NARS2: variants seen among roughly 807,000 people sequenced by gnomAD.
NARS2 encodes the protein asparaginyl-tRNA synthetase 2, mitochondrial, also known as asparaginyl-tRNA synthetase.
Under a neutral mutation model 62.9 loss-of-function variants are expected in NARS2, and 60 were observed. The observed-to-expected ratio is 0.95, with a 90% CI of 0.77 to 1.18. The LOEUF is 1.18. NARS2 is among the 50% of genes most tolerant of loss of function. NARS2 has a pLI of 0.00. For missense variants in NARS2, 619 were observed against 576.4 expected (o/e 1.07, Z -0.76); for synonymous variants, 196 against 200.0 (o/e 0.98, Z 0.17).
At chr11:78,567,411 A>G (rs1046759475) in intron 3 of NARS2, among the ~76,000 whole-genome samples, 1 of 152,162 alleles carries the variant, frequency 6.6e-6, no homozygotes, top group African/African-American at 2.4e-5. Context: ...AAAATTTAAG[A>G]ATTATTTCTA....
chr11:78,527,720 A>G lies in NARS2; in HGVS notation c.689+1122T>C, dbSNP rs536057600. 5.3e-5 allele frequency among the ~76,000 whole-genome samples: 8 copies of G among 152,332 alleles called. No homozygotes were observed. The East Asian group carries it at 1.3e-3, about 26-fold the overall frequency. On this transcript the variant is annotated intron_variant, in intron 6 of 13. Transcript: ENST00000281038. ...TCCTTTCAAGTGAGCTATTTCCAGAAAAGATTTTTTTAAGTCCTAATCTCT... is the reference window on the plus strand; with the variant it reads ...TCCTTTCAAGTGAGCTATTTCCAGAGAAGATTTTTTTAAGTCCTAATCTCT...
At chr11:78,545,524 CTTTTTTTTT>C (rs888860047) in intron 5 of NARS2, among the ~76,000 whole-genome samples, 8 of 134,860 alleles carry the variant, frequency 5.9e-5, no homozygotes, top group Admixed American at 2.2e-4. Flanking sequence ...ATGCTTTTTC[CTTTTTTTTT>C]TTTTTTTTTG....
chr11:78,547,660 C>G (rs1408666728), intron 5 of NARS2, among the ~76,000 whole-genome samples: 1 of 151,808 alleles, frequency 6.6e-6, no homozygotes, highest in Non-Finnish European at 1.5e-5. Context: ...TGGCAAAACT[C>G]TGACTCTACT....
At chr11:78,476,990 GAAT>G (rs1859127776) in intron 9 of NARS2, among the ~76,000 whole-genome samples, 1 of 152,172 alleles carries the variant, frequency 6.6e-6, no homozygotes. Flanking sequence ...TGTAGAATGA[GAAT>G]AATAACTACT....
intron 6 of NARS2, among the ~76,000 whole-genome samples, chr11:78,511,610 G>T (rs996444030): frequency 1.3e-5 from 2 of 152,008 alleles, no homozygotes; most frequent in African/African-American, 4.8e-5. Flanking sequence ...CCAGCTACTC[G>T]AGAGGCTGAG....
chr11:78,519,160 G>A (rs898995303), intron 6 of NARS2, among the ~76,000 whole-genome samples: 5 of 152,186 alleles, frequency 3.3e-5, no homozygotes, highest in African/African-American at 1.2e-4. Flanking sequence ...AGATTCACAT[G>A]ATGACATTCC....
At chr11:78,530,703 G>A (rs182919704) in intron 5 of NARS2, among the ~76,000 whole-genome samples, 33 of 152,276 alleles carry the variant, frequency 2.2e-4, no homozygotes, top group African/African-American at 7.7e-4. Context: ...CTGACCTCAA[G>A]TGATCTGCCG....
At position 78,469,304 on chromosome 11, in the gene NARS2, A is replaced by C. The variant is rs565224393; in HGVS notation, c.969T>G (p.Tyr323Ter). The change falls in exon 10 of 14, where the codon TAT becomes TAG. Residue 323 changes from tyrosine to a stop codon, truncating the protein, a stop_gained. Transcript: ENST00000281038. LOFTEE classifies it high-confidence loss of function. ...GCTTTAAGATCTCCACTGCTTCAGT[A>C]TAAGAAATGCTGGAGGAAAACAGGA... is the stretch of plus-strand genomic sequence containing the variant. ...MLKNNFLIIS[Y>*]TEAVEILKQA... is the part of the protein sequence containing the mutation. 1.9e-6 allele frequency: 3 copies of C among 1,612,898 alleles called. No homozygotes were observed. Among genetic ancestry groups the C allele is most frequent in the Non-Finnish European group, 2.5e-6 (3 of 1,179,106 alleles).
intron 11 of NARS2, among the ~76,000 whole-genome samples, chr11:78,457,467 A>G (rs1003245634): frequency 7.9e-5 from 12 of 152,222 alleles, no homozygotes; most frequent in African/African-American, 2.9e-4. Flanking sequence ...CCAGAAAACA[A>G]CAAATGAGGG....
intron 2 of NARS2, among the ~76,000 whole-genome samples, chr11:78,569,447 G>A (rs538345750): frequency 1.4e-4 from 22 of 152,228 alleles, no homozygotes; most frequent in Non-Finnish European, 2.8e-4. Flanking sequence ...GAGCCACCAC[G>A]CCCAGCCCAT....
intron 5 of NARS2, among the ~76,000 whole-genome samples, chr11:78,532,916 C>T (rs940869159): frequency 6.6e-6 from 1 of 152,162 alleles, no homozygotes; most frequent in Admixed American, 6.5e-5. Flanking sequence ...TTTGCTTCTA[C>T]TTATATAAGT....
intron 13 of NARS2, 33 bp from the exon 14 acceptor site, chr11:78,436,847 ATATAG>A (rs1857425816): frequency 3.1e-6 from 5 of 1,598,390 alleles, no homozygotes; most frequent in South Asian, 1.1e-5. Context: ...CATCATCTAT[ATATAG>A]TATAAGACCA....
intron 5 of NARS2, among the ~76,000 whole-genome samples, chr11:78,550,546 T>C (rs1472423870): frequency 6.6e-6 from 1 of 152,134 alleles, no homozygotes; most frequent in African/African-American, 2.4e-5. Context: ...AAAATGCAAA[T>C]CAAAGCCACA....
Position 78,539,354 on chromosome 11 carries a change from A to G in NARS2, c.595-10418T>C, listed in dbSNP as rs1057273637. ...TAAATTAGATGTGAGGTTTGGGGAG[A>G]CAGGCAGGGGAGGTATGAATTAAGT... On this transcript the variant is annotated intron_variant, in intron 5 of 13. Transcript: ENST00000281038. Among the ~76,000 whole-genome samples the G allele has an allele frequency of 2.0e-5, 3 of 152,154 alleles. No homozygotes were observed. In the East Asian group the frequency reaches 5.8e-4, roughly 29 times the overall value.
At chr11:78,465,192 G>A (rs532355514) in intron 11 of NARS2, among the ~76,000 whole-genome samples, 11 of 152,288 alleles carry the variant, frequency 7.2e-5, no homozygotes, top group South Asian at 4.1e-4. Flanking sequence ...CTCACTGCCC[G>A]GAGCAGGTGG....
At chr11:78,501,618 T>C (rs956430098) in intron 6 of NARS2, among the ~76,000 whole-genome samples, 10 of 152,226 alleles carry the variant, frequency 6.6e-5, no homozygotes, top group Non-Finnish European at 1.3e-4. Context: ...AAAGAAATAC[T>C]GCCCTAAAAA....
chr11:78,553,121 T>C (rs1285232400), intron 5 of NARS2, among the ~76,000 whole-genome samples: 1 of 152,112 alleles, frequency 6.6e-6, no homozygotes, highest in Non-Finnish European at 1.5e-5. Context: ...GCCAGCACTG[T>C]TATTTTTTTA....
At chr11:78,457,058 A>G (rs2135181694) in intron 11 of NARS2, among the ~76,000 whole-genome samples, 1 of 152,376 alleles carries the variant, frequency 6.6e-6, no homozygotes, top group Non-Finnish European at 1.5e-5. Context: ...TTGAGGCTGA[A>G]AGATCACAGA....
At chr11:78,547,012 T>C (rs191363576) in intron 5 of NARS2, among the ~76,000 whole-genome samples, 1 of 152,330 alleles carries the variant, frequency 6.6e-6, no homozygotes, top group African/African-American at 2.4e-5. Flanking sequence ...ATTTCACGTG[T>C]CAGCTTTATC....
Sources: allele counts gnomAD v4.1 joint callset (sites outside exome capture counted in the v4.1 genomes callset), GRCh38; gene constraint gnomAD v4.1.1; transcripts MANE v1.5; gene names NCBI Gene and HGNC (gene_info 2026-07-23, HGNC 2026-07-21).